SCN8A: variants seen among roughly 807,000 people sequenced by gnomAD.
SCN8A encodes sodium voltage-gated channel alpha subunit 8.
SCN8A carries 30 observed loss-of-function variants against 184.1 expected under a neutral mutation model. The ratio of observed to expected loss-of-function variants is 0.16; its 90% CI spans 0.12 to 0.22. The LOEUF is 0.22. Ranked by LOEUF, SCN8A falls within the 10% of genes least tolerant of loss-of-function variation. The pLI is 1.00. For synonymous variants in SCN8A, 852 were observed against 907.0 expected, an observed-to-expected ratio of 0.94 and a Z score of 1.09; for missense variants, 1,057 against 2,498.9, an observed-to-expected ratio of 0.42 and a Z score of 12.30.
chr12:51,610,972 GT>G (rs1939708331), intron 1 of SCN8A, among the ~76,000 whole-genome samples: 1 of 152,090 alleles, frequency 6.6e-6, no homozygotes, highest in African/African-American at 2.4e-5. Flanking sequence ...AAATTTCACA[GT>G]CAGCTTTTAT....
chr12:51,774,036 A>C (rs545020333), intron 19 of SCN8A, among the ~76,000 whole-genome samples, 153 bp from the exon 20 acceptor site: 2 of 152,364 alleles, frequency 1.3e-5, no homozygotes, highest in African/African-American at 4.8e-5. Context: ...CTATTAAAAC[A>C]TAAAAAGCCT....
intron 1 of SCN8A, among the ~76,000 whole-genome samples, chr12:51,611,574 T>C (rs933544537): frequency 4.0e-5 from 6 of 151,276 alleles, no homozygotes; most frequent in Non-Finnish European, 8.9e-5. Context: ...CTCGGCTCAC[T>C]GCAACCTCTG....
At chr12:51,692,228 G>T (rs1941522165) in intron 6 of SCN8A, among the ~76,000 whole-genome samples, 1 of 152,144 alleles carries the variant, frequency 6.6e-6, no homozygotes, top group African/African-American at 2.4e-5. Context: ...AGCTCCCTGT[G>T]TATCAACTTC....
At chr12:51,630,829 A>G (rs1250414947) in intron 1 of SCN8A, among the ~76,000 whole-genome samples, 1 of 152,110 alleles carries the variant, frequency 6.6e-6, no homozygotes, top group East Asian at 1.9e-4. Flanking sequence ...AGGACTGACA[A>G]TTTCCAATCA....
At chr12:51,730,246 G>C (rs1268124152) in intron 12 of SCN8A, among the ~76,000 whole-genome samples, 1 of 152,072 alleles carries the variant, frequency 6.6e-6, no homozygotes, top group African/African-American at 2.4e-5. Context: ...AGTCAACCTG[G>C]ATAGATATCC....
At chr12:51,754,362 G>A (rs970029372) in intron 14 of SCN8A, among the ~76,000 whole-genome samples, 2 of 148,090 alleles carry the variant, frequency 1.4e-5, no homozygotes, top group African/African-American at 5.0e-5. Context: ...TTATCACATA[G>A]CCTTATCACC....
In SCN8A at chr12:51,673,058, C is replaced by G. The variant is rs1941160231; in HGVS notation, c.276+9965C>G. On this transcript the variant is annotated intron_variant, in intron 2 of 26. Transcript: ENST00000627620. The stretch of plus-strand genomic sequence containing the variant: ...CTATCATTTTTAGAGAATTTTCTAT[C>G]ATTTTGCATTGCCTCAATATGAAGT... Among the ~76,000 whole-genome samples, 3 of 152,106 alleles carry G rather than the reference C, an allele frequency of 2.0e-5. No homozygotes were observed. The South Asian group carries it at 6.2e-4, about 32-fold the overall frequency.
chr12:51,611,535 T>C (rs1179747374), intron 1 of SCN8A, among the ~76,000 whole-genome samples: 1 of 152,176 alleles, frequency 6.6e-6, no homozygotes, highest in Non-Finnish European at 1.5e-5. Context: ...TTCACTCTTG[T>C]TGCCCAGTCT....
chr12:51,782,869 A>C (rs566791463), intron 21 of SCN8A, among the ~76,000 whole-genome samples: 3 of 152,316 alleles, frequency 2.0e-5, no homozygotes, highest in African/African-American at 7.2e-5. Flanking sequence ...TCATTTGTCA[A>C]CTTGAAAGTA....
At chr12:51,603,291 G>A (rs1939508685) in intron 1 of SCN8A, among the ~76,000 whole-genome samples, 1 of 152,198 alleles carries the variant, frequency 6.6e-6, no homozygotes, top group Admixed American at 6.5e-5. Context: ...CTTTGAGACT[G>A]ACTTCTTTTG....
intron 11 of SCN8A, among the ~76,000 whole-genome samples, chr12:51,708,331 A>G (rs1319276027): frequency 6.6e-6 from 1 of 152,206 alleles, no homozygotes; most frequent in Non-Finnish European, 1.5e-5. Context: ...TTTGATAAAT[A>G]AGGAAACTAA....
chr12:51,718,972 GACTT>G (rs1942008458), intron 11 of SCN8A, among the ~76,000 whole-genome samples: 1 of 150,768 alleles, frequency 6.6e-6, no homozygotes, highest in African/African-American at 2.4e-5. Context: ...ATTGGAAAAA[GACTT>G]AATTGCCAGC....
chr12:51,746,069 G>A, intron 13 of SCN8A, 34 bp downstream of exon 13: 2 of 1,554,688 alleles, frequency 1.3e-6, no homozygotes, highest in Non-Finnish European at 1.7e-6. Context: ...CAACCGCTGA[G>A]ATATAAATAT....
At chr12:51,681,867 G>A (rs1006990256) in intron 2 of SCN8A, among the ~76,000 whole-genome samples, 2 of 151,992 alleles carry the variant, frequency 1.3e-5, no homozygotes, top group African/African-American at 4.8e-5. Context: ...TACATAGGCT[G>A]ATCATTATTT....
chr12:51,598,094 C>A (rs929586027), intron 1 of SCN8A, among the ~76,000 whole-genome samples: 1 of 152,022 alleles, frequency 6.6e-6, no homozygotes, highest in African/African-American at 2.4e-5. Flanking sequence ...AGGCATAATG[C>A]CTTGTTTGTA....
chr12:51,591,618 C>T (rs1939219787), intron 1 of SCN8A, among the ~76,000 whole-genome samples: 1 of 152,166 alleles, frequency 6.6e-6, no homozygotes, highest in Non-Finnish European at 1.5e-5. Flanking sequence ...CCACCCCGGA[C>T]ACCCTGCTTT....
At chr12:51,646,543 A>G (rs1940593153) in intron 1 of SCN8A, among the ~76,000 whole-genome samples, 1 of 152,252 alleles carries the variant, frequency 6.6e-6, no homozygotes. Flanking sequence ...ATTGTATATT[A>G]TGTATATTTT....
At chr12:51,710,650 C>A (rs186555161) in intron 11 of SCN8A, among the ~76,000 whole-genome samples, 11 of 152,240 alleles carry the variant, frequency 7.2e-5, no homozygotes, top group African/African-American at 2.6e-4. Flanking sequence ...CAGAACAAGA[C>A]CCTGTCTCCA....
chr12:51,708,866 C>A (rs1941826589), intron 11 of SCN8A, among the ~76,000 whole-genome samples: 1 of 152,132 alleles, frequency 6.6e-6, no homozygotes, highest in Non-Finnish European at 1.5e-5. Flanking sequence ...TACTACATAT[C>A]AAGGATTGTA....
Sources: gnomAD v4.1 joint callset for allele counts (sites outside exome capture counted in the v4.1 genomes callset) on GRCh38, gnomAD v4.1.1 for gene constraint, MANE v1.5 for transcripts, NCBI Gene and HGNC (gene_info 2026-07-23, HGNC 2026-07-21) for gene names.